Variants in DMBT1 observed in about 807,000 individuals in gnomAD.
DMBT1 encodes deleted in malignant brain tumors 1, also known as scavenger receptor cysteine-rich domain-containing protein DMBT1.
In DMBT1, 198 loss-of-function variants were observed where a neutral mutation model predicts 252.9. The ratio of observed to expected loss-of-function variants is 0.78; its 90% confidence interval spans 0.70 to 0.88. DMBT1 has a LOEUF of 0.88. Among genes scored for constraint, DMBT1 ranks in the 40% least tolerant of loss-of-function variants. The pLI is 0.00. For synonymous variants in DMBT1, 990 were observed against 942.7 expected (o/e 1.05, Z -0.92); for missense variants, 2,432 against 2,404.7 (o/e 1.01, Z -0.24).
chr10:122,620,011 C>A (rs2098046984), intron 42 of DMBT1, among the ~76,000 whole-genome samples: 1 of 152,140 alleles, frequency 6.6e-6, no homozygotes, highest in Non-Finnish European at 1.5e-5. Flanking sequence ...GGCAGGCTAA[C>A]CCTTCGTAGC....
At position 122,590,570 on chromosome 10, in the gene DMBT1, G is replaced by A. The variant is rs1369053189; in HGVS notation, c.2108-95G>A. The A allele has an allele frequency of 1.5e-5, 21 of 1,416,848 alleles. 2 individuals carry two copies. In the Middle Eastern group the frequency reaches 6.6e-4, roughly 44 times the overall value. 87.8% of individuals were successfully genotyped at this position (1,416,848 alleles called of 1,614,324 possible). ...CCCTCTGTGATGGGGACATAGGGTG[G>A]ACTGAAGGCGCTACCAGTTTAGTTC... On this transcript the variant is annotated intron_variant, in intron 17 of 55. Coordinates refer to ENST00000338354, the MANE Select transcript of DMBT1 (RefSeq NM_001377530.1).
chr10:122,624,818 C>T lies in DMBT1; in HGVS notation c.5609-459C>T, dbSNP rs2098104287. Among the ~76,000 whole-genome samples, 3 of 152,210 alleles carry T rather than the reference C, an allele frequency of 2.0e-5. No homozygotes were observed. In the South Asian group the frequency reaches 6.2e-4, roughly 32 times the overall value. ...TGGCTGGCTCTCCCACAGCTGTCAGCACAGTGAAGATGCTGTGTCATCTGT... is the reference window on the plus strand; with the variant it reads ...TGGCTGGCTCTCCCACAGCTGTCAGTACAGTGAAGATGCTGTGTCATCTGT... On this transcript the variant is annotated intron_variant, in intron 44 of 55. Transcript: ENST00000338354.
At chr10:122,585,390 G>A in intron 15 of DMBT1, 81 bp downstream of exon 15, 1 of 1,495,474 alleles carries the variant, frequency 6.7e-7, no homozygotes, top group East Asian at 2.4e-5. Context: ...TAGGATGAGG[G>A]TCAAGGTGGG....
chr10:122,587,686 C>T lies in DMBT1; in HGVS notation c.1784-1258C>T, dbSNP rs534365823. 2.2e-4 allele frequency among the ~76,000 whole-genome samples: 33 copies of T among 148,598 alleles called. 3 individuals carry two copies. The highest frequency in any genetic ancestry group is 4.6e-4 in the African/African-American group (19 of 41,188). On this transcript the variant is annotated intron_variant, in intron 16 of 55. Transcript: ENST00000338354. ...GATGCAGCAGGGCCCCATCTACATG[C>T]GGAAAGGCAGAGGCCGTGCTCAGGC...
In DMBT1 at chr10:122,643,491, T is replaced by C; in HGVS notation, c.*93T>C. The C allele has an allele frequency of 6.8e-7, 1 of 1,473,964 alleles. No individual in the cohort carries two copies. The highest frequency in any genetic ancestry group is 9.1e-7 in the Non-Finnish European group (1 of 1,099,136). The allele number at this position is 1,473,964 out of a possible 1,614,324, so 91.3% of individuals were successfully genotyped here. On this transcript the variant is annotated 3_prime_UTR_variant, in exon 56 of 56. Transcript: ENST00000338354. ...TCTTGGTGTCATATTCCAACTCAGA[T>C]TGAGCCCTACATTGTGCTGCACCTG...
At chr10:122,598,625 G>A in intron 25 of DMBT1, 149 bp from the exon 26 acceptor site, 1 of 1,520,036 alleles carries the variant, frequency 6.6e-7, no homozygotes, top group South Asian at 1.3e-5. Context: ...TGACTTTGAT[G>A]AAGCTGAATC....
chr10:122,587,351 A>C (rs1175188254), intron 16 of DMBT1, among the ~76,000 whole-genome samples: 1 of 148,526 alleles, frequency 6.7e-6, no homozygotes, highest in Non-Finnish European at 1.5e-5. Flanking sequence ...GAGATTCGTG[A>C]CTGTCCATAT....
Position 122,599,110 on chromosome 10 carries a change from G to T in DMBT1, c.3280+13G>T, listed in dbSNP as rs1174871981. The T allele has an allele frequency of 3.1e-6, 5 of 1,613,734 alleles. No homozygotes were observed. In the African/African-American group the frequency reaches 4.0e-5, roughly 13 times the overall value. ...GTCATCTGCTCAGGTGGGCCTTCAA[G>T]AACTTGGGATCACTCTCTTGGGGTG... On this transcript the variant is annotated intron_variant, in intron 26 of 55. Coordinates refer to ENST00000338354, the MANE Select transcript of DMBT1 (RefSeq NM_001377530.1).
intron 16 of DMBT1, among the ~76,000 whole-genome samples, chr10:122,587,728 G>A (rs1400442141): frequency 6.7e-6 from 1 of 148,602 alleles, no homozygotes; most frequent in East Asian, 2.1e-4. Context: ...AGAGATATTA[G>A]ATATTTCTGG....
chr10:122,622,245 G>A (rs537159381), intron 44 of DMBT1, among the ~76,000 whole-genome samples: 1 of 152,152 alleles, frequency 6.6e-6, no homozygotes, highest in Non-Finnish European at 1.5e-5. Context: ...GAAACTCCTG[G>A]GTCTTGCTTG....
At chr10:122,570,579 A>G (rs2097652122) in intron 3 of DMBT1, among the ~76,000 whole-genome samples, 3 of 152,208 alleles carry the variant, frequency 2.0e-5, no homozygotes, top group Admixed American at 6.5e-5. Context: ...AAACAGCCAG[A>G]TATCTTTTGA....
intron 55 of DMBT1, among the ~76,000 whole-genome samples, chr10:122,642,600 G>A (rs1352746346): frequency 6.6e-6 from 1 of 152,184 alleles, no homozygotes; most frequent in Admixed American, 6.5e-5. Context: ...CAGCTGCATG[G>A]GGCTCAGGGC....
At position 122,571,038 on chromosome 10, in the gene DMBT1, T is replaced by G. The variant is rs183255339; in HGVS notation, c.187+101T>G. ...GGTGCAGAGGGCATAGAAGGTAGGG[T>G]GCTGGTGTCATGTTCTCAGGTAGTG... On this transcript the variant is annotated intron_variant, in intron 4 of 55. Transcript: ENST00000338354. 5.2e-4 allele frequency: 738 copies of G among 1,418,868 alleles called. 10 individuals carry two copies. The Admixed American group carries it at 0.012, about 23-fold the overall frequency. The allele number at this position is 1,418,868 out of a possible 1,614,324, so 87.9% of individuals were successfully genotyped here.
chr10:122,590,541 C>T lies in DMBT1; in HGVS notation c.2108-124C>T, dbSNP rs2097841562. 1.7e-6 allele frequency: 2 copies of T among 1,201,606 alleles called. 1 individual carries two copies. Among genetic ancestry groups the T allele is most frequent in the South Asian group, 2.6e-5 (2 of 75,742 alleles). The allele number at this position is 1,201,606 out of a possible 1,614,324, so 74.4% of individuals were successfully genotyped here. On this transcript the variant is annotated intron_variant, in intron 17 of 55. Coordinates refer to ENST00000338354, the MANE Select transcript of DMBT1 (RefSeq NM_001377530.1). The stretch of plus-strand genomic sequence containing the variant: ...TTTGTGGGGACGTGCATGGCAATGC[C>T]CCTCCCTCTGTGATGGGGACATAGG...
intron 2 of DMBT1, among the ~76,000 whole-genome samples, chr10:122,567,482 C>T (rs77045890): frequency 0.015 from 2,312 of 152,244 alleles, 78 homozygotes; most frequent in South Asian, 0.14. Flanking sequence ...GTCCAGCTGG[C>T]CTTTCCTCCC....
intron 52 of DMBT1, among the ~76,000 whole-genome samples, chr10:122,634,447 TCTCTCTCTCTCTCTCTCTC>T (rs2098205382): frequency 1.3e-5 from 1 of 74,832 alleles, no homozygotes; most frequent in Admixed American, 1.4e-4. Flanking sequence ...TCTCTCTCTC[TCTCTCTCTCTCTCTCTCTC>T]TCTCTCTCTC....
At chr10:122,617,857 T>A (rs779852558) in intron 40 of DMBT1, among the ~76,000 whole-genome samples, 160 bp from the exon 41 acceptor site, 36 of 151,542 alleles carry the variant, frequency 2.4e-4, no homozygotes, top group Non-Finnish European at 2.6e-4. Context: ...CACCTCTCCT[T>A]TCCCTATGAT....
At chr10:122,581,512 A>G (rs1334357989) in intron 11 of DMBT1, among the ~76,000 whole-genome samples, 1 of 149,864 alleles carries the variant, frequency 6.7e-6, no homozygotes, top group African/African-American at 2.5e-5. Context: ...TAGTCAGTCC[A>G]TGCATCAGCA....
Position 122,643,580 on chromosome 10 carries a change from C to A in DMBT1, c.*182C>A. ...CCAAGGCTCATGGTCCTTGGAGGAC[C>A]CGTTGCAGGGTGAGGTCAAGAGAGT... On this transcript the variant is annotated 3_prime_UTR_variant, in exon 56 of 56. Coordinates refer to ENST00000338354, the MANE Select transcript of DMBT1 (RefSeq NM_001377530.1). 1.1e-6 allele frequency: 1 copy of A among 877,456 alleles called. No individual in the cohort carries two copies. The highest frequency in any genetic ancestry group is 1.7e-6 in the Non-Finnish European group (1 of 590,652). The allele number at this position is 877,456 out of a possible 1,614,324, so 54.4% of individuals were successfully genotyped here.
Sources: allele counts gnomAD v4.1 joint callset (sites outside exome capture counted in the v4.1 genomes callset), GRCh38; gene constraint gnomAD v4.1.1; transcripts MANE v1.5; gene names NCBI Gene and HGNC (gene_info 2026-07-23, HGNC 2026-07-21).